OR7E24: variants seen among roughly 807,000 people sequenced by gnomAD.
OR7E24 encodes olfactory receptor family 7 subfamily E member 24, also known as olfactory receptor 7E24.
For synonymous variants in OR7E24, 130 were observed against 157.5 expected (o/e 0.83, Z 1.31); for missense variants, 385 against 410.3 (o/e 0.94, Z 0.53).
At chr19:9,226,397 G>A in the OR7E24 span, among the ~76,000 whole-genome samples, 8 of 152,160 alleles carry the variant, frequency 5.3e-5, no homozygotes, top group South Asian at 2.1e-4. Flanking sequence ...GAACGGGACC[G>A]CACATTCCGT....
the OR7E24 span, among the ~76,000 whole-genome samples, chr19:9,242,283 T>C: frequency 6.6e-6 from 1 of 152,362 alleles, no homozygotes; most frequent in South Asian, 2.1e-4. Flanking sequence ...ACAGTTTCAC[T>C]CTGTCACCCA....
the OR7E24 span, among the ~76,000 whole-genome samples, chr19:9,229,622 G>T: frequency 6.6e-6 from 1 of 152,014 alleles, no homozygotes; most frequent in African/African-American, 2.4e-5. Context: ...ACTAAAGAAA[G>T]AGTTTCTCCT....
chr19:9,228,331 G>C, the OR7E24 span, among the ~76,000 whole-genome samples: 1 of 152,096 alleles, frequency 6.6e-6, no homozygotes, highest in East Asian at 1.9e-4. Context: ...GTCAGTATCT[G>C]TGTATTCAAA....
the OR7E24 span, among the ~76,000 whole-genome samples, chr19:9,229,113 A>T: frequency 1.4e-3 from 219 of 152,134 alleles, 1 homozygote; most frequent in Non-Finnish European, 2.0e-3. Context: ...AAGTAAATTT[A>T]AAAAAAAGAT....
the OR7E24 span, among the ~76,000 whole-genome samples, chr19:9,227,995 C>T: frequency 3.3e-5 from 5 of 151,806 alleles, no homozygotes; most frequent in Non-Finnish European, 5.9e-5. Context: ...CCTCGTGATC[C>T]GCCCGCCTCG....
At chr19:9,245,123 G>A (rs1478497218), upstream of OR7E24, among the ~76,000 whole-genome samples, 2 of 152,236 alleles carry the variant, frequency 1.3e-5, no homozygotes, top group Admixed American at 6.5e-5. Flanking sequence ...GCTGAGTCAC[G>A]AGAATCGCTT....
At chr19:9,237,467 C>T in the OR7E24 span, among the ~76,000 whole-genome samples, 5 of 151,796 alleles carry the variant, frequency 3.3e-5, no homozygotes, top group African/African-American at 4.8e-5. Context: ...CCCCCCACCA[C>T]GCCTGGGTAA....
the OR7E24 span, among the ~76,000 whole-genome samples, chr19:9,215,105 G>A: frequency 1.3e-5 from 2 of 152,106 alleles, no homozygotes; most frequent in Non-Finnish European, 2.9e-5. Context: ...AGCACTTTGG[G>A]AGGACAAGGT....
chr19:9,223,859 C>CT, the OR7E24 span, among the ~76,000 whole-genome samples: 8 of 148,550 alleles, frequency 5.4e-5, no homozygotes, highest in Middle Eastern at 3.4e-3. Flanking sequence ...GGAGTCTTGG[C>CT]TTTTTTTTTC....
At chr19:9,227,476 C>G in the OR7E24 span, among the ~76,000 whole-genome samples, 2 of 152,250 alleles carry the variant, frequency 1.3e-5, no homozygotes, top group East Asian at 1.9e-4. Flanking sequence ...GATCCACACG[C>G]CTTGGGCTCC....
chr19:9,222,901 A>G, the OR7E24 span, among the ~76,000 whole-genome samples: 14 of 152,144 alleles, frequency 9.2e-5, no homozygotes, highest in African/African-American at 2.4e-4. Flanking sequence ...AATGTTTTCA[A>G]TTGTTCCCCA....
chr19:9,225,762 A>T, the OR7E24 span, among the ~76,000 whole-genome samples: 4 of 152,206 alleles, frequency 2.6e-5, no homozygotes, highest in Admixed American at 2.6e-4. Context: ...GCTGCGTTGC[A>T]TTCCTTACTT....
the OR7E24 span, chr19:9,235,306 C>G: frequency 8.0e-7 from 1 of 1,254,422 alleles, no homozygotes; most frequent in Non-Finnish European, 1.2e-6. Flanking sequence ...TGACTCCCAC[C>G]TCCACAGCCC....
chr19:9,241,233 A>G, the OR7E24 span, among the ~76,000 whole-genome samples: 1 of 152,148 alleles, frequency 6.6e-6, no homozygotes, highest in African/African-American at 2.4e-5. Flanking sequence ...GCTGTGAAAC[A>G]CCTTATTAAT....
chr19:9,235,490 C>T, the OR7E24 span: 1 of 1,588,120 alleles, frequency 6.3e-7, no homozygotes, highest in East Asian at 2.2e-5. Context: ...TTCCTACTGG[C>T]TGTGATAGCC....
In OR7E24 at chr19:9,251,873, A is replaced by T; in HGVS notation, c.830A>T (p.Tyr277Phe). The change falls in exon 1 of 1, where the codon TAC becomes TTC. Residue 277 changes from tyrosine to phenylalanine, a missense_variant. Coordinates refer to ENST00000456448, the MANE Select transcript of OR7E24 (RefSeq NM_001079935.2). ...TTTTATGGAACAGGGCTTGTAGGGT[A>T]CCTCAGTTCAGCTGTGTTACCATCC... ...CLFYGTGLVG[Y>F]LSSAVLPSPR... 6.2e-7 allele frequency: 1 copy of T among 1,614,066 alleles called. No homozygotes were observed. The highest frequency in any genetic ancestry group is 8.5e-7 in the Non-Finnish European group (1 of 1,180,002).
upstream of OR7E24, among the ~76,000 whole-genome samples, chr19:9,249,743 A>C (rs1298738640): frequency 2.0e-5 from 3 of 152,166 alleles, no homozygotes; most frequent in Non-Finnish European, 4.4e-5. Context: ...ACTTGAGGTC[A>C]GAAGTTTGAG....
chr19:9,224,103 G>A, the OR7E24 span, among the ~76,000 whole-genome samples: 20 of 152,160 alleles, frequency 1.3e-4, no homozygotes, highest in African/African-American at 4.6e-4. Flanking sequence ...ACCTGCCTCA[G>A]CCTCCCAAAG....
chr19:9,226,560 G>A, the OR7E24 span, among the ~76,000 whole-genome samples: 1 of 152,228 alleles, frequency 6.6e-6, no homozygotes, highest in Non-Finnish European at 1.5e-5. Flanking sequence ...ATGCTTGCTT[G>A]GACCAGTATA....
Sources: allele counts gnomAD v4.1 joint callset (sites outside exome capture counted in the v4.1 genomes callset), GRCh38; gene constraint gnomAD v4.1.1; transcripts MANE v1.5; gene names NCBI Gene and HGNC (gene_info 2026-07-23, HGNC 2026-07-21).